LRIG1: variants seen among roughly 807,000 people sequenced by gnomAD.
LRIG1 encodes the protein leucine-rich repeats and immunoglobulin-like domains protein 1.
In LRIG1, 48 loss-of-function variants were observed where a neutral mutation model predicts 99.2. The ratio of observed to expected loss-of-function variants is 0.48; its 90% confidence interval spans 0.38 to 0.62. LRIG1 has a LOEUF of 0.62. LRIG1 is among the 20% of genes least tolerant of loss of function. LRIG1 has a pLI of 0.00. For missense variants in LRIG1, 1,646 were observed against 1,434.4 expected (o/e 1.15, Z -2.38); for synonymous variants, 772 against 596.1 (o/e 1.29, Z -4.30).
intron 2 of LRIG1, among the ~76,000 whole-genome samples, chr3:66,459,941 T>C (rs1167753172): frequency 6.6e-6 from 1 of 152,232 alleles, no homozygotes; most frequent in Non-Finnish European, 1.5e-5. Flanking sequence ...TCAGTAATAC[T>C]AATCCTATCT....
At chr3:66,401,533 G>T in intron 9 of LRIG1, 1 of 992,686 alleles carries the variant, frequency 1.0e-6, no homozygotes, top group Non-Finnish European at 1.4e-6. Context: ...GGTGACAATA[G>T]CAATAAAATA....
intron 11 of LRIG1, among the ~76,000 whole-genome samples, chr3:66,397,657 A>G (rs1701906527): frequency 6.6e-6 from 1 of 152,114 alleles, no homozygotes; most frequent in Non-Finnish European, 1.5e-5. Context: ...CTGCACCCCT[A>G]AGCATCCCAT....
At position 66,500,371 on chromosome 3, in the gene LRIG1, G is replaced by T; in HGVS notation, c.37C>A (p.Arg13Ser). Residue 13 changes from arginine to serine, a missense_variant, in exon 1 of 19, where the codon CGC becomes AGC. By Grantham distance (110) the Arg-to-Ser change is moderately radical. Transcript: ENST00000273261. Reference sequence around the variant, plus strand: ...AGAAGGAGAAGGCAAGGCGAGCGGCGCGGGGCCCCGAGCCCTCCCCGGACC... The same window carrying T: ...AGAAGGAGAAGGCAAGGCGAGCGGCTCGGGGCCCCGAGCCCTCCCCGGACC... ...RPVRGGLGAP[R>S]RSPCLLLLWL... 6.8e-7 allele frequency: 1 copy of T among 1,479,748 alleles called. No homozygotes were observed. Among genetic ancestry groups the T allele is most frequent in the Non-Finnish European group, 8.9e-7 (1 of 1,121,072 alleles). 91.7% of individuals were successfully genotyped at this position (1,479,748 alleles called of 1,614,324 possible).
chr3:66,398,842 G>A, intron 10 of LRIG1, 128 bp downstream of exon 10: 1 of 738,094 alleles, frequency 1.4e-6, no homozygotes. Context: ...ATAATGAGAA[G>A]GAAGCAGCTG....
chr3:66,417,244 C>G lies in LRIG1; in HGVS notation c.388G>C (p.Val130Leu), dbSNP rs770975639. Residue 130 changes from valine (V) to leucine (L), a missense_variant, in exon 4 of 19, where the codon GTG (valine) becomes CTG (leucine). By Grantham distance (32) the Val-to-Leu change is conservative. Coordinates refer to ENST00000273261, the MANE Select transcript of LRIG1 (RefSeq NM_015541.3). ...TAGGCCTTCAGCTGGCTCCCCTCCA[C>G]GCTGCGAATCTTGTTGTGCTGCCTG... ...LFLQHNKIRS[V>L]EGSQLKAYLS... is the part of the protein sequence containing the mutation. The G allele has an allele frequency of 6.2e-7, 1 of 1,614,074 alleles. No individual in the cohort carries two copies. Among genetic ancestry groups the G allele is most frequent in the Non-Finnish European group, 8.5e-7 (1 of 1,179,984 alleles).
chr3:66,436,722 T>G (rs1255341735), intron 3 of LRIG1, among the ~76,000 whole-genome samples: 6 of 152,158 alleles, frequency 3.9e-5, no homozygotes, highest in Non-Finnish European at 8.8e-5. Context: ...TTCATGGATG[T>G]GCATTTAGAG....
chr3:66,414,125 C>T (rs899888812), intron 5 of LRIG1, among the ~76,000 whole-genome samples: 7 of 152,040 alleles, frequency 4.6e-5, no homozygotes, highest in African/African-American at 7.2e-5. Flanking sequence ...CGGCCGGGTG[C>T]GGTGGCTCAT....
intron 3 of LRIG1, among the ~76,000 whole-genome samples, chr3:66,434,554 C>A (rs1007952374): frequency 1.3e-5 from 2 of 152,028 alleles, no homozygotes; most frequent in Non-Finnish European, 2.9e-5. Flanking sequence ...CAAGACCAGC[C>A]TGACCAACAT....
At chr3:66,453,810 GAT>G (rs1703984351) in intron 2 of LRIG1, among the ~76,000 whole-genome samples, 1 of 152,212 alleles carries the variant, frequency 6.6e-6, no homozygotes, top group African/African-American at 2.4e-5. Context: ...GATCTCACTT[GAT>G]TTTAAACCTG....
intron 14 of LRIG1, 28 bp downstream of exon 14, chr3:66,383,963 C>CACAA (rs1701238679): frequency 6.2e-7 from 1 of 1,606,672 alleles, no homozygotes; most frequent in African/African-American, 1.3e-5. Context: ...CACACACACA[C>CACAA]ACACACACAG....
At chr3:66,439,582 A>G (rs991269566) in intron 3 of LRIG1, among the ~76,000 whole-genome samples, 1 of 150,660 alleles carries the variant, frequency 6.6e-6, no homozygotes, top group Non-Finnish European at 1.5e-5. Context: ...TTTTAAAAAG[A>G]GCCAAGTCTT....
intron 1 of LRIG1, among the ~76,000 whole-genome samples, chr3:66,469,715 A>G (rs1186707846): frequency 2.0e-5 from 3 of 152,228 alleles, no homozygotes; most frequent in Admixed American, 6.5e-5. Context: ...TGATAAACTG[A>G]TAACAAATTA....
intron 7 of LRIG1, 42 bp downstream of exon 7, chr3:66,410,087 T>C: frequency 6.4e-7 from 1 of 1,569,870 alleles, no homozygotes; most frequent in Non-Finnish European, 8.6e-7. Flanking sequence ...CTCCAAGCAG[T>C]GTCTAAAAAC....
intron 1 of LRIG1, among the ~76,000 whole-genome samples, chr3:66,466,827 CT>C (rs1027957519): frequency 1.3e-5 from 2 of 152,220 alleles, no homozygotes; most frequent in African/African-American, 4.8e-5. Flanking sequence ...AGGAAAGATG[CT>C]GTCAAAAGCA....
At chr3:66,474,424 C>T (rs915235339) in intron 1 of LRIG1, among the ~76,000 whole-genome samples, 55 of 151,710 alleles carry the variant, frequency 3.6e-4, no homozygotes, top group South Asian at 2.1e-3. Context: ...CAGCTCACTG[C>T]AAACCCTGCC....
rs557523202 is a variant in LRIG1, at chr3:66,451,568, G to A, written c.356C>T (p.Ser119Phe). ...SLGAASSHVV[S>F]LFLQHNKIRS... Reference sequence around the variant, plus strand: ...AAACGGCACCACTTACAGAAAGAGAGAGACGACATGTGATGAAGCAGCGCC... The same window carrying A: ...AAACGGCACCACTTACAGAAAGAGAAAGACGACATGTGATGAAGCAGCGCC... The change falls in exon 3 of 19, where the codon TCT becomes TTT. Residue 119 changes from serine (S) to phenylalanine (F), a missense_variant. Ser to Phe is a radical substitution (Grantham distance 155). Transcript: ENST00000273261. 1 of 1,614,056 alleles carries A rather than the reference G, an allele frequency of 6.2e-7. No individual in the cohort carries two copies. The highest frequency in any genetic ancestry group is 2.2e-5 in the East Asian group (1 of 44,862).
intron 3 of LRIG1, among the ~76,000 whole-genome samples, chr3:66,436,453 T>C (rs940005735): frequency 6.6e-6 from 1 of 152,182 alleles, no homozygotes; most frequent in Non-Finnish European, 1.5e-5. Flanking sequence ...GCTTTGGCAT[T>C]TGCTAAACTT....
chr3:66,406,298 C>T, intron 8 of LRIG1: 1 of 985,564 alleles, frequency 1.0e-6, no homozygotes. Context: ...GAACCAGGGA[C>T]CCGGGGCTGT....
At chr3:66,460,184 G>A (rs774862942) in intron 2 of LRIG1, among the ~76,000 whole-genome samples, 5 of 152,138 alleles carry the variant, frequency 3.3e-5, no homozygotes, top group African/African-American at 7.2e-5. Context: ...GGAGATGCTC[G>A]AGTAAGTATT....
Sources: allele counts gnomAD v4.1 joint callset (sites outside exome capture counted in the v4.1 genomes callset), GRCh38; gene constraint gnomAD v4.1.1; transcripts MANE v1.5; gene names NCBI Gene and HGNC (gene_info 2026-07-23, HGNC 2026-07-21).